The following LAMB3 variants were observed in gnomAD, a reference collection of about 807,000 sequenced individuals.
The protein encoded by LAMB3 is laminin subunit beta-3.
In LAMB3, 104 loss-of-function variants were observed where a neutral mutation model predicts 140.3. That is an observed-to-expected ratio of 0.74 (90% CI 0.63 to 0.87). The LOEUF is 0.87. LAMB3 is among the 40% of genes least tolerant of loss of function. The pLI, the probability that LAMB3 is intolerant of heterozygous loss-of-function variation, is 0.00. For missense variants in LAMB3, 1,531 were observed against 1,575.2 expected, an observed-to-expected ratio of 0.97 and a Z score of 0.47; for synonymous variants, 592 against 602.9, an observed-to-expected ratio of 0.98 and a Z score of 0.26.
Position 209,617,988 on chromosome 1 carries a change from C to T in LAMB3, c.2970G>A (p.Gly990=), listed in dbSNP as rs765832266. 8.1e-6 allele frequency: 13 copies of T among 1,614,194 alleles called. No homozygotes were observed. The South Asian group carries it at 9.9e-5, about 12-fold the overall frequency. ...VEDVVGNLRQ[G]TVALQEAQDT... ...CCTGAGCTTCCTGCAGTGCCACTGT[C>T]CCCTGCCGCAGGTTCCCAACCACAT... The change falls in exon 20 of 23, where the codon GGG becomes GGA. Residue 990 remains glycine, a synonymous_variant. Transcript: ENST00000356082.
intron 3 of LAMB3, among the ~76,000 whole-genome samples, chr1:209,642,293 A>T (rs1363424871): frequency 6.6e-6 from 1 of 152,182 alleles, no homozygotes; most frequent in Non-Finnish European, 1.5e-5. Flanking sequence ...AGGAATGTAA[A>T]GTATTTGGAA....
rs749913780 is a variant in LAMB3 at position 209,625,764 on chromosome 1, C to T, written c.1860G>A (p.Leu620=). ...TCTTTGCATCTAGGATCCGGGAGGCCAGGCCACGGTCCTCCAGCCCAGGCC... is the reference window on the plus strand; with the variant it reads ...TCTTTGCATCTAGGATCCGGGAGGCTAGGCCACGGTCCTCCAGCCCAGGCC... ...WSGPGLEDRG[L]ASRILDAKSK... The change falls in exon 14 of 23, where the codon CTG becomes CTA. Residue 620 remains leucine (L), a synonymous_variant. Transcript: ENST00000356082. The T allele has an allele frequency of 1.9e-6, 3 of 1,614,136 alleles. No homozygotes were observed. Among genetic ancestry groups the T allele is most frequent in the East Asian group, 4.5e-5 (2 of 44,882 alleles).
In LAMB3 at chr1:209,623,601, C is replaced by A; in HGVS notation, c.2262G>T (p.Arg754=). Residue 754 remains arginine, a synonymous_variant, in exon 16 of 23, where the codon CGG becomes CGT. Coordinates refer to ENST00000356082, the MANE Select transcript of LAMB3 (RefSeq NM_000228.3). The surrounding 1 kb of genome is among the most constrained non-coding windows in gnomAD (Gnocchi z 4.2). ...CGGTGCCTCCTCCTCCTCCCGCCTG[C>A]CGCACCAGCCTCTCTGCCTCTCTCC... ...DSRREAERLV[R]QAGGGGGTGS... The A allele has an allele frequency of 1.2e-6, 2 of 1,614,096 alleles. No homozygotes were observed. The highest frequency in any genetic ancestry group is 1.7e-6 in the Non-Finnish European group (2 of 1,180,022).
intron 1 of LAMB3, among the ~76,000 whole-genome samples, chr1:209,651,605 G>A (rs1269999772): frequency 6.6e-6 from 1 of 152,216 alleles, no homozygotes; most frequent in Non-Finnish European, 1.5e-5. Flanking sequence ...TCTTCTGAAA[G>A]GGAAGCAACC....
rs1053014259 is a variant in LAMB3, at chr1:209,625,297, G to A, written c.1976+351C>T. On this transcript the variant is annotated intron_variant, in intron 14 of 22. Coordinates refer to ENST00000356082, the MANE Select transcript of LAMB3 (RefSeq NM_000228.3). ...CACGTGAGTTATTTTTAGAGCCCCT[G>A]CCTCTCGGATGCCCTCCGCCAGGGT... Among the ~76,000 whole-genome samples, 4 of 152,172 alleles carry A rather than the reference G, an allele frequency of 2.6e-5. No homozygotes were observed. In the South Asian group the frequency reaches 8.3e-4, roughly 32 times the overall value.
At chr1:209,636,434 GC>G (rs1378766734) in intron 5 of LAMB3, among the ~76,000 whole-genome samples, 1 of 152,186 alleles carries the variant, frequency 6.6e-6, no homozygotes, top group African/African-American at 2.4e-5. Flanking sequence ...CCAGGCTGTA[GC>G]CCCTATTGTC....
At chr1:209,645,909 G>T (rs531209295) in intron 3 of LAMB3, among the ~76,000 whole-genome samples, 1 of 152,292 alleles carries the variant, frequency 6.6e-6, no homozygotes, top group South Asian at 2.1e-4. Flanking sequence ...GTGTGTCAGC[G>T]GGCAGGGGGA....
At chr1:209,626,151 G>T (rs551179555) in intron 13 of LAMB3, 125 bp from the exon 14 acceptor site, 2 of 1,062,580 alleles carry the variant, frequency 1.9e-6, no homozygotes, top group Admixed American at 2.8e-5. Context: ...AACAGAAGTC[G>T]CAGCCAGAAT....
chr1:209,648,195 C>T (rs528748681), intron 3 of LAMB3, among the ~76,000 whole-genome samples: 1 of 152,110 alleles, frequency 6.6e-6, no homozygotes, highest in South Asian at 2.1e-4. Flanking sequence ...GGGAGAGATG[C>T]TGATTGTCAG....
intron 10 of LAMB3, among the ~76,000 whole-genome samples, chr1:209,628,951 C>A (rs754444220): frequency 6.6e-6 from 1 of 152,170 alleles, no homozygotes; most frequent in Non-Finnish European, 1.5e-5. Context: ...TATTCAAGTT[C>A]TCATTACAAG....
chr1:209,635,120 A>G (rs971752864), intron 5 of LAMB3, among the ~76,000 whole-genome samples: 4 of 152,144 alleles, frequency 2.6e-5, no homozygotes, highest in African/African-American at 4.8e-5. Flanking sequence ...GCACCTTAGC[A>G]TGACATATTG....
chr1:209,651,444 G>GTGGC (rs1205152229), intron 1 of LAMB3: 1 of 182,072 alleles, frequency 5.5e-6, no homozygotes, highest in Non-Finnish European at 1.2e-5. Context: ...ATGAGTCAGA[G>GTGGC]TGGCTGACGG....
intron 14 of LAMB3, 126 bp from the exon 15 acceptor site, chr1:209,624,126 C>T: frequency 1.3e-6 from 1 of 778,088 alleles, no homozygotes; most frequent in East Asian, 2.6e-5. Flanking sequence ...GGCAACAGAA[C>T]AGAGAATCCA....
chr1:209,648,697 A>G (rs970759531), intron 3 of LAMB3, among the ~76,000 whole-genome samples: 1 of 152,038 alleles, frequency 6.6e-6, no homozygotes, highest in Non-Finnish European at 1.5e-5. Flanking sequence ...ACATCCCAAC[A>G]TAGGGGTCTC....
chr1:209,650,823 G>C (rs2076559999), intron 2 of LAMB3, 94 bp downstream of exon 2: 1 of 1,177,624 alleles, frequency 8.5e-7, no homozygotes, highest in East Asian at 2.3e-5. Context: ...CAGGTGACAG[G>C]TGATGCCCAC....
intron 8 of LAMB3, among the ~76,000 whole-genome samples, chr1:209,630,979 G>A (rs1666668608): frequency 6.6e-6 from 1 of 152,198 alleles, no homozygotes; most frequent in Admixed American, 6.5e-5. Context: ...CTCCCCTAGT[G>A]AGGTTTTTGC....
intron 18 of LAMB3, 30 bp downstream of exon 18, chr1:209,622,506 C>T: frequency 1.9e-6 from 3 of 1,612,720 alleles, no homozygotes; most frequent in Non-Finnish European, 2.5e-6. Context: ...ACTGGAACAG[C>T]AGCCAAGGTG....
At position 209,615,234 on chromosome 1, in the gene LAMB3, G is replaced by A. The variant is rs538322482; in HGVS notation, c.*37C>T. 51 of 1,613,602 alleles carry A rather than the reference G, an allele frequency of 3.2e-5. No homozygotes were observed. Among genetic ancestry groups the A allele is most frequent in the East Asian group, 2.9e-4 (13 of 44,886 alleles). ...TCTGCCCCCAACCAAAAGCAAAGGC[G>A]GCAGATGAGTGGGGCAACGGGCTGG... On this transcript the variant is annotated 3_prime_UTR_variant, in exon 23 of 23. Transcript: ENST00000356082.
chr1:209,623,758 G>A lies in LAMB3; in HGVS notation c.2138-33C>T, dbSNP rs770058178. The A allele has an allele frequency of 6.2e-6, 10 of 1,613,484 alleles. No homozygotes were observed. The highest frequency in any genetic ancestry group is 1.3e-5 in the African/African-American group (1 of 75,072). On this transcript the variant is annotated intron_variant, in intron 15 of 22. Coordinates refer to ENST00000356082, the MANE Select transcript of LAMB3 (RefSeq NM_000228.3). This position sits in a 1 kb window ranked among gnomAD's most constrained non-coding sequence, Gnocchi z 4.2. ...GAGAAGCATGAGGAATGGAGATGGA[G>A]GAGGAGCAGGAGGGAGAGGGGGTGG...
Sources: allele counts gnomAD v4.1 joint callset (sites outside exome capture counted in the v4.1 genomes callset), GRCh38; gene constraint gnomAD v4.1.1; non-coding constraint Gnocchi (gnomAD v3.1); transcripts MANE v1.5; gene names NCBI Gene and HGNC (gene_info 2026-07-23, HGNC 2026-07-21).